Variants in TASP1 observed in about 807,000 individuals in gnomAD.
TASP1 encodes threonine aspartase 1.
A neutral mutation model predicts 56.6 loss-of-function variants in TASP1; 16 were observed. The observed-to-expected ratio is 0.28, with a 90% CI of 0.19 to 0.43. The LOEUF (loss-of-function observed/expected upper bound fraction) is 0.43, where lower values mean the gene tolerates loss of function less well. TASP1 is among the 20% of genes least tolerant of loss of function. TASP1 has a pLI of 1.00. For missense variants in TASP1, 393 were observed against 511.6 expected (o/e 0.77, Z 2.24); for synonymous variants, 179 against 184.2 (o/e 0.97, Z 0.23).
intron 13 of TASP1, among the ~76,000 whole-genome samples, chr20:13,396,489 A>G (rs2041542969): frequency 1.3e-5 from 2 of 152,206 alleles, no homozygotes; most frequent in African/African-American, 4.8e-5. Context: ...CCTGTGTGAT[A>G]TTGGACAACG....
intron 4 of TASP1, among the ~76,000 whole-genome samples, chr20:13,587,727 C>A (rs1176501251): frequency 2.1e-5 from 3 of 145,528 alleles, no homozygotes; most frequent in African/African-American, 2.5e-5. Context: ...ATGATTGTAT[C>A]AAAAAAAAAA....
chr20:13,458,785 G>GA (rs1177004450), intron 11 of TASP1, among the ~76,000 whole-genome samples: 1 of 152,248 alleles, frequency 6.6e-6, no homozygotes, highest in Middle Eastern at 3.4e-3. Flanking sequence ...ACAGCTCAGC[G>GA]AAAAAACAAC....
At chr20:13,418,260 G>A (rs2042326867) in intron 12 of TASP1, among the ~76,000 whole-genome samples, 1 of 152,160 alleles carries the variant, frequency 6.6e-6, no homozygotes, top group South Asian at 2.1e-4. Context: ...GGATTCTTTG[G>A]AGAAATGTCC....
intron 10 of TASP1, 70 bp from the exon 11 acceptor site, chr20:13,483,407 A>AATGCTATT: frequency 2.9e-6 from 3 of 1,027,502 alleles, no homozygotes; most frequent in Non-Finnish European, 4.2e-6. Context: ...CAATAGCATT[A>AATGCTATT]GAACACCCTT....
At chr20:13,555,094 T>C (rs1482306292) in intron 8 of TASP1, among the ~76,000 whole-genome samples, 1 of 152,122 alleles carries the variant, frequency 6.6e-6, no homozygotes, top group Non-Finnish European at 1.5e-5. Flanking sequence ...CCTAATATTT[T>C]AAATCCTGGC....
the TASP1 span, among the ~76,000 whole-genome samples, chr20:13,277,340 C>G: frequency 6.6e-6 from 1 of 152,164 alleles, no homozygotes; most frequent in Non-Finnish European, 1.5e-5. Context: ...TAATTGTGGG[C>G]TTGCCTGGCT....
intron 13 of TASP1, among the ~76,000 whole-genome samples, chr20:13,393,894 G>C (rs2041395909): frequency 6.6e-6 from 1 of 152,056 alleles, no homozygotes; most frequent in Non-Finnish European, 1.5e-5. Flanking sequence ...AAAAGGTGTG[G>C]GGGGGAAAAG....
intron 4 of TASP1, among the ~76,000 whole-genome samples, chr20:13,587,744 A>G (rs1011611250): frequency 6.6e-6 from 1 of 151,992 alleles, no homozygotes; most frequent in African/African-American, 2.4e-5. Flanking sequence ...AAAACACAGA[A>G]AAAAGGCATC....
At chr20:13,308,446 T>C in the TASP1 span, among the ~76,000 whole-genome samples, 1 of 152,162 alleles carries the variant, frequency 6.6e-6, no homozygotes, top group Admixed American at 6.5e-5. Context: ...TCACCGCTTA[T>C]GGTGTTATGA....
At chr20:13,369,156 T>C in the TASP1 span, among the ~76,000 whole-genome samples, 2 of 152,250 alleles carry the variant, frequency 1.3e-5, no homozygotes, top group South Asian at 2.1e-4. Context: ...CAATAATGTA[T>C]ATTTAAGGGC....
chr20:13,431,276 G>C (rs1045615568), intron 12 of TASP1, among the ~76,000 whole-genome samples: 2 of 152,142 alleles, frequency 1.3e-5, no homozygotes, highest in Non-Finnish European at 2.9e-5. Context: ...AAAGTCATGG[G>C]AAGTCATGGT....
intron 10 of TASP1, among the ~76,000 whole-genome samples, chr20:13,518,638 T>G (rs1260668012): frequency 6.6e-6 from 1 of 152,150 alleles, no homozygotes; most frequent in Non-Finnish European, 1.5e-5. Flanking sequence ...CCACAATGTA[T>G]TTGTTTGTCA....
the TASP1 span, among the ~76,000 whole-genome samples, chr20:13,181,197 G>A: frequency 6.6e-6 from 1 of 152,186 alleles, no homozygotes; most frequent in Admixed American, 6.5e-5. Context: ...AAGCACCTTG[G>A]CCTCTTTGCC....
the TASP1 span, among the ~76,000 whole-genome samples, chr20:13,356,774 A>G: frequency 2.6e-5 from 4 of 152,162 alleles, no homozygotes; most frequent in East Asian, 5.8e-4. Context: ...AACTCTATCC[A>G]TATCTGCCCT....
At position 13,588,308 on chromosome 20, in the gene TASP1, A is replaced by AG. The variant is rs1568618312; in HGVS notation, c.283-939dup. On this transcript the variant is annotated intron_variant, in intron 4 of 13. Coordinates refer to ENST00000337743, the MANE Select transcript of TASP1 (RefSeq NM_017714.3). ...AAGGAAGGAAGGAAGGAAGGAAGGA[A>AG]GAGAAAGAAAAGGAAGGAAGGAAGG... Among the ~76,000 whole-genome samples, 998 of 113,306 alleles carry AG rather than the reference A, an allele frequency of 8.8e-3. 11 individuals are homozygous for AG. Among genetic ancestry groups the AG allele is most frequent in the Non-Finnish European group, 0.012 (599 of 50,772 alleles). The allele number at this position is 113,306 out of a possible 152,430, so 74.3% of individuals were successfully genotyped here.
chr20:13,434,194 A>G (rs2042925270), intron 12 of TASP1, among the ~76,000 whole-genome samples: 1 of 152,072 alleles, frequency 6.6e-6, no homozygotes, highest in African/African-American at 2.4e-5. Context: ...TCACTTTGTG[A>G]TAATTCATCA....
intron 8 of TASP1, among the ~76,000 whole-genome samples, chr20:13,557,393 A>AT (rs1331311487): frequency 1.3e-4 from 20 of 152,192 alleles, no homozygotes; most frequent in Admixed American, 1.2e-3. Context: ...AAGAAAAAGC[A>AT]TTTACTGTAA....
chr20:13,182,723 G>A, the TASP1 span, among the ~76,000 whole-genome samples: 1 of 152,092 alleles, frequency 6.6e-6, no homozygotes, highest in African/African-American at 2.4e-5. Context: ...ACAGCACCAA[G>A]AACAGTCCCT....
At chr20:13,638,310 C>T (rs1291727477) in intron 1 of TASP1, among the ~76,000 whole-genome samples, 4 of 152,116 alleles carry the variant, frequency 2.6e-5, no homozygotes, top group African/African-American at 9.7e-5. Context: ...TGAACTCTCT[C>T]CTTCCGGAAA....
Sources: allele counts gnomAD v4.1 joint callset (sites outside exome capture counted in the v4.1 genomes callset), GRCh38; gene constraint gnomAD v4.1.1; transcripts MANE v1.5; gene names NCBI Gene and HGNC (gene_info 2026-07-23, HGNC 2026-07-21).